The following PARD3 variants were observed in gnomAD, a reference collection of about 807,000 sequenced individuals.
PARD3 encodes the protein par-3 family cell polarity regulator.
In PARD3, 75 loss-of-function variants were observed where a neutral mutation model predicts 155.4. The ratio of observed to expected loss-of-function variants is 0.48; its 90% confidence interval spans 0.40 to 0.58. PARD3 has a LOEUF of 0.58. PARD3 is among the 20% of genes least tolerant of loss of function. The pLI, the probability that PARD3 is intolerant of heterozygous loss-of-function variation, is 0.00. For missense variants in PARD3, 1,642 were observed against 1,721.7 expected, an observed-to-expected ratio of 0.95 and a Z score of 0.82; for synonymous variants, 576 against 610.5, an observed-to-expected ratio of 0.94 and a Z score of 0.83.
chr10:34,713,075 GGTGGCAGGCACCTGTAATCCCA>G (rs1242859017), intron 1 of PARD3, among the ~76,000 whole-genome samples: 1 of 152,050 alleles, frequency 6.6e-6, no homozygotes, highest in African/African-American at 2.4e-5. Flanking sequence ...AGCCGGGCAT[GGTGGCAGGCACCTGTAATCCCA>G]ACTACTTGGG....
At chr10:34,237,155 G>A (rs1200542664) in intron 22 of PARD3, among the ~76,000 whole-genome samples, 1 of 152,156 alleles carries the variant, frequency 6.6e-6, no homozygotes, top group African/African-American at 2.4e-5. Flanking sequence ...CTTGCTTCCT[G>A]AGGGTTTTTA....
intron 1 of PARD3, among the ~76,000 whole-genome samples, chr10:34,731,745 G>GT: frequency 6.6e-6 from 1 of 152,236 alleles, no homozygotes; most frequent in African/African-American, 2.4e-5. Context: ...CAGTCTCCTA[G>GT]TTTTTTCATC....
At chr10:34,599,281 AGGGT>A (rs1310465956) in intron 2 of PARD3, among the ~76,000 whole-genome samples, 5 of 152,208 alleles carry the variant, frequency 3.3e-5, no homozygotes, top group African/African-American at 1.2e-4. Context: ...CAGACACATG[AGGGT>A]TAAACAAATG....
At chr10:34,136,014 G>A (rs528883290) in intron 22 of PARD3, among the ~76,000 whole-genome samples, 2 of 152,256 alleles carry the variant, frequency 1.3e-5, no homozygotes. Flanking sequence ...AATTTAAAAT[G>A]TTCACTTACT....
intron 2 of PARD3, among the ~76,000 whole-genome samples, chr10:34,634,251 G>A (rs1322264301): frequency 1.3e-5 from 2 of 152,210 alleles, no homozygotes; most frequent in Non-Finnish European, 2.9e-5. Flanking sequence ...GCTGTTAACA[G>A]ATGAAGTCAA....
intron 22 of PARD3, among the ~76,000 whole-genome samples, chr10:34,184,201 A>G (rs1950387530): frequency 6.6e-6 from 1 of 152,246 alleles, no homozygotes; most frequent in Admixed American, 6.5e-5. Flanking sequence ...CAGAGCTTTG[A>G]AAATGAAGAG....
At chr10:34,701,611 G>A (rs1300214974) in intron 1 of PARD3, among the ~76,000 whole-genome samples, 1 of 152,144 alleles carries the variant, frequency 6.6e-6, no homozygotes, top group Non-Finnish European at 1.5e-5. Flanking sequence ...AGGATGGGAA[G>A]GGGCCAGGCA....
chr10:34,499,957 T>C (rs1483821204), intron 3 of PARD3, among the ~76,000 whole-genome samples: 2 of 152,222 alleles, frequency 1.3e-5, no homozygotes, highest in African/African-American at 4.8e-5. Context: ...GCTATGTAAA[T>C]AGTTGTTATA....
intron 22 of PARD3, among the ~76,000 whole-genome samples, chr10:34,261,372 A>G (rs1397484443): frequency 1.3e-5 from 2 of 152,278 alleles, no homozygotes; most frequent in African/African-American, 4.8e-5. Flanking sequence ...CCTATAGGAA[A>G]AGAAACTTTC....
In PARD3 at chr10:34,725,105, T is replaced by TTGTGTGTGTG. The variant is rs71033342; in HGVS notation, c.121-28696_121-28687dup. 4.3e-3 allele frequency among the ~76,000 whole-genome samples: 583 copies of TTGTGTGTGTG among 135,840 alleles called. 2 individuals carry two copies. The highest frequency in any genetic ancestry group is 7.2e-3 in the South Asian group (27 of 3,754). 89.1% of individuals were successfully genotyped at this position (135,840 alleles called of 152,430 possible). On this transcript the variant is annotated intron_variant, in intron 1 of 24. Coordinates refer to ENST00000374788, the MANE Select transcript of PARD3 (RefSeq NM_001184785.2). ...TAAAAGGATTGAATGAGTCAAAACT[T>TTGTGTGTGTG]TGTGTGTGTGTGTGTGTGTGTGTGT...
chr10:34,489,919 G>T (rs147449979), intron 3 of PARD3, among the ~76,000 whole-genome samples: 1 of 152,124 alleles, frequency 6.6e-6, no homozygotes, highest in African/African-American at 2.4e-5. Flanking sequence ...TGGTGTTACA[G>T]AGATAAGATA....
intron 1 of PARD3, among the ~76,000 whole-genome samples, chr10:34,698,092 A>C (rs1272892240): frequency 2.0e-5 from 3 of 152,066 alleles, no homozygotes; most frequent in Non-Finnish European, 4.4e-5. Flanking sequence ...CTCAAGGGTG[A>C]CCCAATCAAC....
At chr10:34,142,383 A>G (rs2132874251) in intron 22 of PARD3, among the ~76,000 whole-genome samples, 1 of 152,160 alleles carries the variant, frequency 6.6e-6, no homozygotes. Flanking sequence ...CTCTAAAAAA[A>G]AAAAAATTAG....
At chr10:34,367,012 T>G (rs962690460) in intron 12 of PARD3, among the ~76,000 whole-genome samples, 3 of 152,206 alleles carry the variant, frequency 2.0e-5, no homozygotes, top group Non-Finnish European at 4.4e-5. Flanking sequence ...GACTTTTAAA[T>G]TTTTTGCTTG....
chr10:34,681,693 A>G (rs1203901043), intron 2 of PARD3, among the ~76,000 whole-genome samples: 2 of 126,390 alleles, frequency 1.6e-5, no homozygotes, highest in African/African-American at 5.8e-5. Context: ...ATATAATTAG[A>G]TTTTTATATT....
chr10:34,137,389 A>G (rs564634827), intron 22 of PARD3, among the ~76,000 whole-genome samples: 1 of 152,266 alleles, frequency 6.6e-6, no homozygotes, highest in South Asian at 2.1e-4. Flanking sequence ...TCCCTAGTAG[A>G]AGCCTCTGTG....
intron 1 of PARD3, among the ~76,000 whole-genome samples, chr10:34,745,456 A>AAGAGAGAGGGAAAGAGAG (rs1564572459): frequency 1.4e-4 from 20 of 140,184 alleles, no homozygotes; most frequent in African/African-American, 5.2e-4. Flanking sequence ...AAGAGAGAGA[A>AAGAGAGAGGGAAAGAGAG]AGAGAGAGGG....
At chr10:34,566,363 C>A (rs1481188163) in intron 2 of PARD3, among the ~76,000 whole-genome samples, 1 of 152,138 alleles carries the variant, frequency 6.6e-6, no homozygotes, top group Non-Finnish European at 1.5e-5. Flanking sequence ...TTGACTAATT[C>A]CAAAAACAGA....
At chr10:34,631,747 G>A (rs990348626) in intron 2 of PARD3, among the ~76,000 whole-genome samples, 1 of 152,166 alleles carries the variant, frequency 6.6e-6, no homozygotes, top group Non-Finnish European at 1.5e-5. Flanking sequence ...ATATGCACAT[G>A]CCACTATATC....
Sources: gnomAD v4.1 joint callset for allele counts (sites outside exome capture counted in the v4.1 genomes callset) on GRCh38, gnomAD v4.1.1 for gene constraint, MANE v1.5 for transcripts, NCBI Gene and HGNC (gene_info 2026-07-23, HGNC 2026-07-21) for gene names.